The following FGF14 variants were observed in gnomAD, a reference collection of about 807,000 sequenced individuals.
The protein encoded by FGF14 is fibroblast growth factor homologous factor 4.
In FGF14, 5 loss-of-function variants were observed where a neutral mutation model predicts 25.5. The ratio of observed to expected loss-of-function variants is 0.20; its 90% CI spans 0.10 to 0.41. FGF14 has a LOEUF of 0.41. FGF14 is among the 10% of genes least tolerant of loss of function. The probability of loss-of-function intolerance (pLI) is 1.00; values close to 1 mark genes in which losing one functional copy is unlikely to be tolerated. For missense variants in FGF14, 222 were observed against 320.1 expected (o/e 0.69, Z 2.34); for synonymous variants, 138 against 118.3 (o/e 1.17, Z -1.08).
chr13:101,996,839 T>C (rs1419457496), intron 1 of FGF14, among the ~76,000 whole-genome samples: 1 of 152,328 alleles, frequency 6.6e-6, no homozygotes, highest in African/African-American at 2.4e-5. Context: ...CAATTTTCTC[T>C]ACCTTCCAAA....
chr13:102,209,083 C>A (rs142393107), intron 1 of FGF14, among the ~76,000 whole-genome samples: 1 of 152,176 alleles, frequency 6.6e-6, no homozygotes, highest in Non-Finnish European at 1.5e-5. Context: ...CTTGCGAGGA[C>A]GCGAGGAAGG....
At chr13:102,124,493 C>A (rs1466123436) in intron 1 of FGF14, among the ~76,000 whole-genome samples, 1 of 152,048 alleles carries the variant, frequency 6.6e-6, no homozygotes, top group Non-Finnish European at 1.5e-5. Flanking sequence ...GGCCAATTTT[C>A]TGTAGTACTG....
intron 1 of FGF14, among the ~76,000 whole-genome samples, chr13:101,924,446 T>C (rs982214928): frequency 3.3e-5 from 5 of 152,192 alleles, no homozygotes; most frequent in Non-Finnish European, 7.4e-5. Context: ...AATAGTGATT[T>C]TTTTAAAAAA....
chr13:101,931,256 C>T (rs2034732026), intron 1 of FGF14, among the ~76,000 whole-genome samples: 1 of 152,112 alleles, frequency 6.6e-6, no homozygotes, highest in African/African-American at 2.4e-5. Flanking sequence ...CCTTCCCATC[C>T]TCTTCATTCT....
chr13:101,861,140 A>C (rs1271568993), intron 3 of FGF14, among the ~76,000 whole-genome samples: 1 of 152,176 alleles, frequency 6.6e-6, no homozygotes, highest in Non-Finnish European at 1.5e-5. Context: ...TCTCACATGC[A>C]GGAAGAATAG....
intron 4 of FGF14, among the ~76,000 whole-genome samples, chr13:101,724,179 C>A (rs1193149498): frequency 1.3e-5 from 2 of 152,024 alleles, no homozygotes; most frequent in Non-Finnish European, 2.9e-5. Context: ...AAGCATTGAC[C>A]TTGATTTTCT....
intron 1 of FGF14, among the ~76,000 whole-genome samples, chr13:102,190,066 T>G (rs1011629091): frequency 2.1e-4 from 32 of 152,158 alleles, no homozygotes; most frequent in Non-Finnish European, 2.9e-4. Context: ...ATATCACATG[T>G]TATGTGTCAT....
At chr13:101,844,948 G>T (rs982164815) in intron 3 of FGF14, among the ~76,000 whole-genome samples, 3 of 151,928 alleles carry the variant, frequency 2.0e-5, no homozygotes, top group Admixed American at 6.6e-5. Flanking sequence ...TCCAGAAAAT[G>T]TTTCATTTCA....
intron 1 of FGF14, among the ~76,000 whole-genome samples, chr13:101,970,094 C>G (rs757237148): frequency 1.3e-5 from 2 of 152,118 alleles, no homozygotes; most frequent in Non-Finnish European, 2.9e-5. Flanking sequence ...CATTGGTTAT[C>G]AAGTCTGGGA....
intron 3 of FGF14, among the ~76,000 whole-genome samples, chr13:101,729,511 C>T (rs945987186): frequency 6.6e-6 from 1 of 152,156 alleles, no homozygotes; most frequent in Non-Finnish European, 1.5e-5. Flanking sequence ...CCTGACCCCA[C>T]TAGCTGTGTG....
At chr13:102,382,909 C>G (rs2058217132) in intron 1 of FGF14, among the ~76,000 whole-genome samples, 1 of 151,814 alleles carries the variant, frequency 6.6e-6, no homozygotes, top group Admixed American at 6.6e-5. Flanking sequence ...ATTCATAAGA[C>G]ATAGAAAGCA....
At chr13:101,802,021 G>C in intron 3 of FGF14, 3 of 423,592 alleles carry the variant, frequency 7.1e-6, no homozygotes, top group Non-Finnish European at 4.6e-6. Flanking sequence ...GCTCCGACAG[G>C]TGAAAGACAG....
rs1268981284 is a variant in FGF14 at position 101,726,679 on chromosome 13, T to C, written c.540A>G (p.Gln180=). The change falls in exon 4 of 5, where the codon CAA becomes CAG. Residue 180 remains glutamine, a synonymous_variant. Coordinates refer to ENST00000376143, the MANE Select transcript of FGF14 (RefSeq NM_004115.4). ...TCTTTACTCTGTTCCCTTTCATAGC[T>C]TGCCCTTCCTTATTTAATCCCAAAA... ...AWFLGLNKEG[Q]AMKGNRVKKT... 27 of 1,613,500 alleles carry C rather than the reference T, an allele frequency of 1.7e-5. No individual in the cohort carries two copies. The highest frequency in any genetic ancestry group is 2.7e-5 in the African/African-American group (2 of 74,908).
At chr13:101,913,587 T>A (rs1185671588) in intron 1 of FGF14, among the ~76,000 whole-genome samples, 1 of 152,212 alleles carries the variant, frequency 6.6e-6, no homozygotes, top group Non-Finnish European at 1.5e-5. Context: ...TTTTCAAGCA[T>A]ATCACACTAT....
intron 1 of FGF14, among the ~76,000 whole-genome samples, chr13:102,097,682 A>T (rs1443022626): frequency 1.3e-5 from 2 of 152,208 alleles, no homozygotes; most frequent in Non-Finnish European, 2.9e-5. Flanking sequence ...TGACTGAACG[A>T]GTTTGTCATT....
rs547558201 is a variant in FGF14 at position 102,151,794 on chromosome 13, G to A, written c.208+249677C>T. Reference sequence around the variant, plus strand: ...ATTACAGGCATGAGCCACCATACCCGACCTCCATTTTTACCTTCAAGTAAA... The same window carrying A: ...ATTACAGGCATGAGCCACCATACCCAACCTCCATTTTTACCTTCAAGTAAA... On this transcript the variant is annotated intron_variant, in intron 1 of 4. Coordinates refer to the FGF14 transcript ENST00000376131. 9.2e-5 allele frequency among the ~76,000 whole-genome samples: 14 copies of A among 152,168 alleles called. No individual in the cohort carries two copies. The East Asian group carries it at 1.9e-3, about 21-fold the overall frequency.
chr13:102,183,317 T>C (rs1594314193), intron 1 of FGF14, among the ~76,000 whole-genome samples: 1 of 152,174 alleles, frequency 6.6e-6, no homozygotes, highest in South Asian at 2.1e-4. Context: ...GTTCAAAACA[T>C]ATTCATCTTA....
At chr13:102,376,084 T>C (rs897884158) in intron 1 of FGF14, among the ~76,000 whole-genome samples, 8 of 152,278 alleles carry the variant, frequency 5.3e-5, no homozygotes, top group African/African-American at 1.9e-4. Context: ...GCACCCTTGA[T>C]ATGGTTTGGC....
At chr13:101,841,738 C>T (rs1248203748) in intron 3 of FGF14, among the ~76,000 whole-genome samples, 2 of 151,934 alleles carry the variant, frequency 1.3e-5, no homozygotes, top group East Asian at 3.9e-4. Context: ...GTAGGACACA[C>T]AAACTGTCTT....
Sources: allele counts gnomAD v4.1 joint callset (sites outside exome capture counted in the v4.1 genomes callset), GRCh38; gene constraint gnomAD v4.1.1; transcripts MANE v1.5; gene names NCBI Gene and HGNC (gene_info 2026-07-23, HGNC 2026-07-21).